The following ADK variants were observed in gnomAD, a reference collection of about 807,000 sequenced individuals.
ADK encodes the protein N6,N6-dimethyladenosine kinase.
ADK carries 24 observed loss-of-function variants against 44.7 expected under a neutral mutation model. That is an observed-to-expected ratio of 0.54 (90% CI 0.39 to 0.76). ADK has a LOEUF of 0.76. Ranked by LOEUF, ADK falls within the 30% of genes least tolerant of loss-of-function variation. The pLI is 0.00. For missense variants in ADK, 321 were observed against 425.1 expected (o/e 0.76, Z 2.15); for synonymous variants, 128 against 142.6 (o/e 0.90, Z 0.73).
intron 7 of ADK, among the ~76,000 whole-genome samples, chr10:74,567,856 G>A (rs145574392): frequency 0.022 from 3,263 of 151,720 alleles, 115 homozygotes; most frequent in African/African-American, 0.074. Context: ...CTGCCACCAC[G>A]CCCAGCTAAT....
chr10:74,520,997 A>G (rs1342034568), intron 6 of ADK, among the ~76,000 whole-genome samples: 1 of 152,186 alleles, frequency 6.6e-6, no homozygotes, highest in Non-Finnish European at 1.5e-5. Flanking sequence ...TATTGGTTAT[A>G]TATTTTTCTA....
chr10:74,180,606 CCGCCACCA>C (rs373158092), intron 1 of ADK, among the ~76,000 whole-genome samples: 8,621 of 151,930 alleles, frequency 0.057, 854 homozygotes, highest in African/African-American at 0.2. Context: ...CTACAGGCGC[CCGCCACCA>C]CGCCCAGCTA....
At chr10:74,340,345 A>T (rs1261526888) in intron 4 of ADK, among the ~76,000 whole-genome samples, 9 of 152,100 alleles carry the variant, frequency 5.9e-5, no homozygotes, top group Non-Finnish European at 2.9e-5. Context: ...GTTTCCTTAT[A>T]TTCCCATATA....
At chr10:74,556,220 T>C (rs930063858) in intron 7 of ADK, among the ~76,000 whole-genome samples, 12 of 152,220 alleles carry the variant, frequency 7.9e-5, no homozygotes, top group Admixed American at 5.9e-4. Flanking sequence ...TCCTTTTCAC[T>C]ACTGAAATGT....
At chr10:74,193,187 T>C (rs564498107) in intron 1 of ADK, among the ~76,000 whole-genome samples, 1 of 152,320 alleles carries the variant, frequency 6.6e-6, no homozygotes, top group African/African-American at 2.4e-5. Context: ...ATATAGCCAC[T>C]GTATAGTGTC....
intron 1 of ADK, among the ~76,000 whole-genome samples, chr10:74,193,634 A>T (rs1012918648): frequency 1.3e-5 from 2 of 151,974 alleles, no homozygotes; most frequent in Admixed American, 6.6e-5. Flanking sequence ...AAAAGAAAAA[A>T]ATTAACTGGG....
intron 4 of ADK, among the ~76,000 whole-genome samples, chr10:74,387,065 T>A (rs1843169148): frequency 6.6e-6 from 1 of 151,984 alleles, no homozygotes; most frequent in Admixed American, 6.6e-5. Flanking sequence ...GCCTCCTGAG[T>A]AGCTGGGATT....
At position 74,156,301 on chromosome 10, in the gene ADK, A is replaced by G. The variant is rs112299862; in HGVS notation, c.65+4958A>G. On this transcript the variant is annotated intron_variant, in intron 1 of 10. Transcript: ENST00000539909. The stretch of plus-strand genomic sequence containing the variant: ...GATGTGCTGCTTTTTTTTACCTGGA[A>G]TATGTCTTTGCTTTACTTCCATCAA... Among the ~76,000 whole-genome samples, 10 of 152,290 alleles carry G rather than the reference A, an allele frequency of 6.6e-5. 1 individual carries two copies. Among genetic ancestry groups the G allele is most frequent in the African/African-American group, 2.4e-4 (10 of 41,550 alleles).
intron 7 of ADK, 25 bp from the exon 8 acceptor site, chr10:74,589,257 C>T: frequency 6.3e-7 from 1 of 1,596,824 alleles, no homozygotes; most frequent in Non-Finnish European, 8.6e-7. Flanking sequence ...TTATAATTAA[C>T]TGTTCTTTTT....
At chr10:74,387,128 T>A (rs1381832803) in intron 4 of ADK, among the ~76,000 whole-genome samples, 2 of 152,012 alleles carry the variant, frequency 1.3e-5, no homozygotes, top group African/African-American at 4.8e-5. Flanking sequence ...GTAGAGACGG[T>A]GTTTCACCAT....
At chr10:74,692,768 A>G (rs1365526005) in intron 10 of ADK, among the ~76,000 whole-genome samples, 1 of 152,178 alleles carries the variant, frequency 6.6e-6, no homozygotes, top group Non-Finnish European at 1.5e-5. Context: ...CTAAAATTCA[A>G]TAGAATAACA....
In ADK at chr10:74,589,147, A is replaced by G; in HGVS notation, c.727-135A>G. 3 of 753,562 alleles carry G rather than the reference A, an allele frequency of 4.0e-6. No individual in the cohort carries two copies. The South Asian group carries it at 5.0e-5, about 13-fold the overall frequency. The allele number at this position is 753,562 out of a possible 1,614,324, so 46.7% of individuals were successfully genotyped here. A position where few individuals can be genotyped will look rare whatever the true frequency, so the allele number is the denominator to read the frequency against. On this transcript the variant is annotated intron_variant, in intron 7 of 10. Transcript: ENST00000539909. ...GAAAAAAGAAATCTTTATTGCTGTA[A>G]GAATAAAAATTGAACTATGTGGGTA...
intron 6 of ADK, among the ~76,000 whole-genome samples, chr10:74,510,828 C>T (rs1274733501): frequency 6.6e-6 from 1 of 152,168 alleles, no homozygotes; most frequent in African/African-American, 2.4e-5. Context: ...CCGCCTCAGC[C>T]AGCTGAGTAG....
intron 6 of ADK, among the ~76,000 whole-genome samples, chr10:74,500,307 T>C (rs907736153): frequency 2.0e-5 from 3 of 152,170 alleles, no homozygotes; most frequent in East Asian, 1.9e-4. Flanking sequence ...AAGTTTTACA[T>C]TTTGTAGTAG....
At chr10:74,299,045 C>G (rs1839911992) in intron 3 of ADK, among the ~76,000 whole-genome samples, 1 of 152,146 alleles carries the variant, frequency 6.6e-6, no homozygotes, top group South Asian at 2.1e-4. Flanking sequence ...TTCAAAGAGC[C>G]AATGCTGAGT....
intron 1 of ADK, among the ~76,000 whole-genome samples, chr10:74,159,012 A>T (rs182625607): frequency 5.7e-4 from 87 of 152,352 alleles, no homozygotes; most frequent in Non-Finnish European, 9.4e-4. Context: ...TACTGCTTGA[A>T]GAAGATACAT....
intron 6 of ADK, among the ~76,000 whole-genome samples, chr10:74,458,130 T>C (rs1846024110): frequency 1.5e-5 from 2 of 134,094 alleles, no homozygotes; most frequent in Non-Finnish European, 3.2e-5. Context: ...TTTTTTTTTT[T>C]TTTTTTTTTT....
intron 3 of ADK, among the ~76,000 whole-genome samples, chr10:74,302,090 GTTTTTTTTTTGTTTGTTTGTTTTT>G (rs1840057390): frequency 1.8e-4 from 3 of 17,032 alleles, no homozygotes; most frequent in African/African-American, 7.7e-4. Context: ...TTTCTTTTCT[GTTTTTTTTTTGTTTGTTTGTTTTT>G]TTTTTTTTTT....
chr10:74,693,400 G>A (rs1856060847), intron 10 of ADK, among the ~76,000 whole-genome samples: 1 of 152,174 alleles, frequency 6.6e-6, no homozygotes, highest in South Asian at 2.1e-4. Flanking sequence ...TCTTGGGTGT[G>A]TATGATGGTC....
Sources: gnomAD v4.1 joint callset for allele counts (sites outside exome capture counted in the v4.1 genomes callset) on GRCh38, gnomAD v4.1.1 for gene constraint, MANE v1.5 for transcripts, NCBI Gene and HGNC (gene_info 2026-07-23, HGNC 2026-07-21) for gene names.